SCN10A: variants seen among roughly 807,000 people sequenced by gnomAD.
The protein encoded by SCN10A is sodium channel protein type 10 subunit alpha.
SCN10A carries 162 observed loss-of-function variants against 170.7 expected under a neutral mutation model. That is an observed-to-expected ratio of 0.95 (90% confidence interval 0.84 to 1.08). The LOEUF (loss-of-function observed/expected upper bound fraction) is 1.08, where lower values mean the gene tolerates loss of function less well. Among genes scored for constraint, SCN10A ranks in the 50% least tolerant of loss-of-function variants. The pLI is 0.00. For synonymous variants in SCN10A, 985 were observed against 904.6 expected, an observed-to-expected ratio of 1.09 and a Z score of -1.59; for missense variants, 2,527 against 2,436.9, an observed-to-expected ratio of 1.04 and a Z score of -0.78.
Position 38,722,315 on chromosome 3 carries a change from C to T in SCN10A, c.3450G>A (p.Glu1150=). 1 of 1,614,112 alleles carries T rather than the reference C, an allele frequency of 6.2e-7. No individual in the cohort carries two copies. The highest frequency in any genetic ancestry group is 1.3e-5 in the African/African-American group (1 of 75,004). The part of the protein sequence containing the change: ...QVRKTCYRIV[E]HSWFESFIIF... Reference sequence around the variant, plus strand: ...TGATGAAGCTCTCAAACCAGCTGTGCTCCACGATACGGTAGCAAGTCTTGC... The same window carrying T: ...TGATGAAGCTCTCAAACCAGCTGTGTTCCACGATACGGTAGCAAGTCTTGC... Residue 1150 remains glutamate (E), a synonymous_variant, in exon 20 of 28, where the codon GAG becomes GAA. Coordinates refer to ENST00000449082, the MANE Select transcript of SCN10A (RefSeq NM_006514.4).
At chr3:38,792,726 C>T (rs941795326) in intron 2 of SCN10A, among the ~76,000 whole-genome samples, 2 of 146,658 alleles carry the variant, frequency 1.4e-5, no homozygotes, top group East Asian at 3.9e-4. Flanking sequence ...GATTCCTGTC[C>T]TCCTAACTCC....
intron 18 of SCN10A, among the ~76,000 whole-genome samples, chr3:38,724,283 T>A (rs904420883): frequency 2.0e-5 from 3 of 152,198 alleles, no homozygotes; most frequent in African/African-American, 7.2e-5. Flanking sequence ...GCTGAAGGGC[T>A]TGATAACTTT....
At chr3:38,771,428 G>A in intron 4 of SCN10A, 21 bp from the exon 5 acceptor site, 1 of 1,612,462 alleles carries the variant, frequency 6.2e-7, no homozygotes. Context: ...GGGTAGAAAA[G>A]GAGTGTCAAC....
Position 38,756,736 on chromosome 3 carries a change from C to A in SCN10A, c.1228G>T (p.Glu410Ter), listed in dbSNP as rs768926509. ...YEEQNQATTD[E>*]IEAKEKKFQE... ...AACTTCTTCTCCTTTGCTTCAATTT[C>A]ATCAGTGGTTGCCTGGTTCTGCTCC... The change falls in exon 10 of 28, where the codon GAA becomes TAA. Residue 410 changes from glutamate (E) to a stop codon, truncating the protein, a stop_gained. Coordinates refer to ENST00000449082, the MANE Select transcript of SCN10A (RefSeq NM_006514.4). LOFTEE classifies it high-confidence loss of function. 1 of 1,614,222 alleles carries A rather than the reference C, an allele frequency of 6.2e-7. No individual in the cohort carries two copies. The highest frequency in any genetic ancestry group is 8.5e-7 in the Non-Finnish European group (1 of 1,180,036).
At chr3:38,706,950 C>A (rs78326800) in intron 26 of SCN10A, among the ~76,000 whole-genome samples, 3 of 152,112 alleles carry the variant, frequency 2.0e-5, no homozygotes, top group African/African-American at 7.2e-5. Flanking sequence ...AAGTTTAATC[C>A]CTGGGTTCTA....
At chr3:38,704,487 T>G (rs2063189060) in intron 26 of SCN10A, among the ~76,000 whole-genome samples, 1 of 152,198 alleles carries the variant, frequency 6.6e-6, no homozygotes, top group Non-Finnish European at 1.5e-5. Flanking sequence ...TAGCTGCTCT[T>G]GGATTAGCCC....
intron 13 of SCN10A, among the ~76,000 whole-genome samples, chr3:38,746,700 G>A (rs1011858487): frequency 5.9e-5 from 9 of 152,064 alleles, no homozygotes; most frequent in African/African-American, 2.2e-4. Flanking sequence ...TCCTTCAAAT[G>A]TTATTCTCTC....
At chr3:38,723,280 G>T in intron 19 of SCN10A, 150 bp downstream of exon 19, 1 of 886,280 alleles carries the variant, frequency 1.1e-6, no homozygotes. Context: ...TGGGGCATGT[G>T]TGTCTGATGC....
chr3:38,757,152 G>A lies in SCN10A; in HGVS notation c.958C>T (p.Pro320Ser). Residue 320 changes from proline to serine, a missense_variant, in exon 9 of 28, where the codon CCT (proline) becomes TCT (serine). Coordinates refer to ENST00000449082, the MANE Select transcript of SCN10A (RefSeq NM_006514.4). ...CGNGSDSGHC[P>S]DGYICLKTSD... is the part of the protein sequence containing the mutation. Reference sequence around the variant, plus strand: ...GTTTTAAGGCAGATATAACCATCAGGGCAGTGGCTGCAGCAAGAACAGAGA... The same window carrying A: ...GTTTTAAGGCAGATATAACCATCAGAGCAGTGGCTGCAGCAAGAACAGAGA... 1 of 1,600,472 alleles carries A rather than the reference G, an allele frequency of 6.2e-7. No individual in the cohort carries two copies. Among genetic ancestry groups the A allele is most frequent in the Non-Finnish European group, 8.5e-7 (1 of 1,174,134 alleles).
chr3:38,769,166 A>C (rs1263675781), intron 5 of SCN10A, among the ~76,000 whole-genome samples: 4 of 151,034 alleles, frequency 2.6e-5, no homozygotes, highest in Admixed American at 2.6e-4. Context: ...TGTTGTTTTA[A>C]AAATTTCTTT....
At chr3:38,803,349 A>T (rs1056455048) in intron 1 of SCN10A, among the ~76,000 whole-genome samples, 1 of 152,174 alleles carries the variant, frequency 6.6e-6, no homozygotes, top group African/African-American at 2.4e-5. Context: ...ACACATGCAC[A>T]CATATGTTTA....
rs142130662 is a variant in SCN10A, at chr3:38,739,132, G to C, written c.2280+383C>G. ...GGATCTTAAAAACGACTATCTCTCA[G>C]GGTTGTTGTGAGCATAAAATGAGGT... On this transcript the variant is annotated intron_variant, in intron 15 of 27. Transcript: ENST00000449082. Among the ~76,000 whole-genome samples the C allele has an allele frequency of 6.1e-3, 927 of 152,230 alleles. 11 individuals carry two copies. Among genetic ancestry groups the C allele is most frequent in the African/African-American group, 0.021 (884 of 41,516 alleles).
intron 4 of SCN10A, among the ~76,000 whole-genome samples, chr3:38,782,877 AG>A (rs1406545016): frequency 6.6e-6 from 1 of 152,172 alleles, no homozygotes; most frequent in Admixed American, 6.6e-5. Flanking sequence ...TTTGTGTATT[AG>A]TCAGCCTTTG....
intron 1 of SCN10A, among the ~76,000 whole-genome samples, chr3:38,808,160 G>T (rs1172900656): frequency 2.0e-5 from 3 of 151,920 alleles, no homozygotes; most frequent in East Asian, 1.9e-4. Context: ...CCTTTTCCTT[G>T]TTTCCCCCCT....
intron 4 of SCN10A, among the ~76,000 whole-genome samples, chr3:38,785,114 C>T (rs966675439): frequency 1.2e-4 from 19 of 152,272 alleles, no homozygotes; most frequent in Admixed American, 9.8e-4. Flanking sequence ...ACTTTCTTCA[C>T]AGAATTAGAA....
At position 38,803,642 on chromosome 3, in the gene SCN10A, C is replaced by T. The variant is rs1157996614; in HGVS notation, c.-32-9600G>A. ...AGGAAGGGGAACATCACACACTGGG[C>T]CTGTCGTGAGGTGGGGGGAGGGGGG... On this transcript the variant is annotated intron_variant, in intron 1 of 27. Transcript: ENST00000449082. 4.5e-5 allele frequency among the ~76,000 whole-genome samples: 5 copies of T among 111,610 alleles called. No homozygotes were observed. The Admixed American group carries it at 6.3e-4, about 14-fold the overall frequency. 73.2% of individuals were successfully genotyped at this position (111,610 alleles called of 152,430 possible). A position where few individuals can be genotyped will look rare whatever the true frequency, so the allele number is the denominator to read the frequency against.
intron 13 of SCN10A, among the ~76,000 whole-genome samples, chr3:38,746,099 A>C (rs1182172615): frequency 1.7e-5 from 2 of 116,706 alleles, no homozygotes; most frequent in African/African-American, 3.6e-5. Flanking sequence ...ATATATATAT[A>C]TGCCATCTTT....
rs1239162234 is a variant in SCN10A, at chr3:38,697,826, G to T, written c.5394C>A (p.Ile1798=). ...AAGCAAAAAGGATGTCCAAGCAGTGGATCTTATCTCCAGGGACCAAAGGCA... is the reference window on the plus strand; with the variant it reads ...AAGCAAAAAGGATGTCCAAGCAGTGTATCTTATCTCCAGGGACCAAAGGCA... ...MDLPLVPGDK[I]HCLDILFAFT... is the part of the protein sequence containing the mutation. The change falls in exon 28 of 28, where the codon ATC becomes ATA. Residue 1798 remains isoleucine, a synonymous_variant. Coordinates refer to ENST00000449082, the MANE Select transcript of SCN10A (RefSeq NM_006514.4). 1 of 1,614,158 alleles carries T rather than the reference G, an allele frequency of 6.2e-7. No homozygotes were observed. The highest frequency in any genetic ancestry group is 8.5e-7 in the Non-Finnish European group (1 of 1,180,038).
intron 26 of SCN10A, among the ~76,000 whole-genome samples, chr3:38,706,837 AG>A (rs1394319539): frequency 6.6e-6 from 1 of 152,036 alleles, no homozygotes; most frequent in African/African-American, 2.4e-5. Context: ...CTGACAGGGG[AG>A]TTGGGTTGTT....
Sources: gnomAD v4.1 joint callset for allele counts (sites outside exome capture counted in the v4.1 genomes callset) on GRCh38, gnomAD v4.1.1 for gene constraint, MANE v1.5 for transcripts, NCBI Gene and HGNC (gene_info 2026-07-23, HGNC 2026-07-21) for gene names.